Variants in EPHA6 observed in about 807,000 individuals in gnomAD.
The protein encoded by EPHA6 is ephrin type-A receptor 6.
EPHA6 carries 50 observed loss-of-function variants against 112.0 expected under a neutral mutation model. The observed-to-expected ratio is 0.45, with a 90% CI of 0.36 to 0.56. The LOEUF is 0.56. Among genes scored for constraint, EPHA6 ranks in the 20% least tolerant of loss-of-function variants. EPHA6 has a pLI of 0.00. For synonymous variants in EPHA6, 529 were observed against 490.7 expected (o/e 1.08, Z -1.03); for missense variants, 1,280 against 1,417.4 (o/e 0.90, Z 1.56).
chr3:96,849,311 C>A (rs934657078), intron 1 of EPHA6, among the ~76,000 whole-genome samples: 1 of 152,076 alleles, frequency 6.6e-6, no homozygotes. Flanking sequence ...TATTCATTAA[C>A]ACTGTGGGAG....
intron 10 of EPHA6, among the ~76,000 whole-genome samples, chr3:97,513,631 T>A (rs371123011): frequency 6.6e-6 from 1 of 151,862 alleles, no homozygotes; most frequent in South Asian, 2.1e-4. Flanking sequence ...AGTTGATCTC[T>A]TAGAAATAGA....
At position 96,965,347 on chromosome 3, in the gene EPHA6, A is replaced by G. The variant is rs562691831; in HGVS notation, c.451-21983A>G. Among the ~76,000 whole-genome samples, 836 of 152,230 alleles carry G rather than the reference A, an allele frequency of 5.5e-3. 6 individuals carry two copies. The highest frequency in any genetic ancestry group is 0.02 in the African/African-American group (814 of 41,548). On this transcript the variant is annotated intron_variant, in intron 2 of 17. Coordinates refer to ENST00000389672, the MANE Select transcript of EPHA6 (RefSeq NM_001080448.3). ...CCTACCTCCCTAACAATACTTGAAA[A>G]AAATTGGTTTTTCATTTTTACCTAT...
intron 1 of EPHA6, among the ~76,000 whole-genome samples, chr3:96,823,996 T>A (rs557316791): frequency 5.4e-4 from 82 of 151,984 alleles, no homozygotes; most frequent in African/African-American, 1.9e-3. Flanking sequence ...AAAAAGGTAC[T>A]TATAGTATGA....
Position 97,309,693 on chromosome 3 carries a change from T to C in EPHA6, c.1606+65406T>C, listed in dbSNP as rs879923389. Among the ~76,000 whole-genome samples the C allele has an allele frequency of 7.9e-5, 12 of 151,746 alleles. No individual in the cohort carries two copies. In the East Asian group the frequency reaches 2.3e-3, roughly 29 times the overall value. On this transcript the variant is annotated intron_variant, in intron 5 of 17. Coordinates refer to ENST00000389672, the MANE Select transcript of EPHA6 (RefSeq NM_001080448.3). ...CGAAGCTACTCCACTAATTAGAAGA[T>C]ACATTTTAGTATAATTTCTGTAATA...
chr3:97,063,259 A>G (rs1417417374), intron 3 of EPHA6, among the ~76,000 whole-genome samples: 2 of 152,224 alleles, frequency 1.3e-5, no homozygotes, highest in African/African-American at 4.8e-5. Flanking sequence ...GTGTATGTTC[A>G]TTGCAGCAAC....
chr3:97,013,472 G>A (rs921967684), intron 3 of EPHA6, among the ~76,000 whole-genome samples: 1 of 151,954 alleles, frequency 6.6e-6, no homozygotes, highest in Non-Finnish European at 1.5e-5. Context: ...AAGGTGTGAT[G>A]GAGGCCTAAT....
intron 3 of EPHA6, among the ~76,000 whole-genome samples, chr3:97,083,508 C>CA (rs751000101): frequency 3.3e-5 from 5 of 151,960 alleles, no homozygotes; most frequent in South Asian, 2.1e-4. Context: ...TATGGCAGAC[C>CA]AAGACTGATC....
intron 4 of EPHA6, among the ~76,000 whole-genome samples, chr3:97,241,986 A>T (rs1449704813): frequency 6.6e-6 from 1 of 151,668 alleles, no homozygotes; most frequent in Non-Finnish European, 1.5e-5. Context: ...GACTAAGTCT[A>T]GGTTGGAGGT....
chr3:97,176,784 C>T (rs1046745245), intron 3 of EPHA6, among the ~76,000 whole-genome samples: 3 of 151,286 alleles, frequency 2.0e-5, no homozygotes. Context: ...TCTTCTCTTT[C>T]TTTCTTAGTG....
chr3:97,251,396 T>G (rs1204041077), intron 5 of EPHA6, among the ~76,000 whole-genome samples: 2 of 151,848 alleles, frequency 1.3e-5, no homozygotes, highest in East Asian at 4.0e-4. Flanking sequence ...CGGGCGTGGT[T>G]GCAGGCACCT....
At chr3:97,429,108 A>G (rs572042950) in intron 6 of EPHA6, among the ~76,000 whole-genome samples, 3 of 152,076 alleles carry the variant, frequency 2.0e-5, no homozygotes, top group Middle Eastern at 6.8e-3. Context: ...TTTTTTTTCC[A>G]TAACAACACA....
intron 5 of EPHA6, among the ~76,000 whole-genome samples, chr3:97,331,764 AC>A (rs1469111873): frequency 2.0e-5 from 3 of 152,158 alleles, no homozygotes; most frequent in Non-Finnish European, 2.9e-5. Flanking sequence ...TAGCTTACCA[AC>A]CAAAAAAAGT....
chr3:97,247,840 ATACT>A (rs2079027626), intron 5 of EPHA6, among the ~76,000 whole-genome samples: 1 of 152,002 alleles, frequency 6.6e-6, no homozygotes. Context: ...TCATGAGGTC[ATACT>A]TACATGAGTA....
At position 97,225,314 on chromosome 3, in the gene EPHA6, C is replaced by A. The variant is rs779020950; in HGVS notation, c.1115-950C>A. On this transcript the variant is annotated intron_variant, in intron 3 of 17. Coordinates refer to ENST00000389672, the MANE Select transcript of EPHA6 (RefSeq NM_001080448.3). ...GAATATATTCAGTTATTTTAAACTGCATATTTTAGTAGAAAACAATTATTT... is the reference window on the plus strand; with the variant it reads ...GAATATATTCAGTTATTTTAAACTGAATATTTTAGTAGAAAACAATTATTT... Among the ~76,000 whole-genome samples, 5 of 152,276 alleles carry A rather than the reference C, an allele frequency of 3.3e-5. 1 individual carries two copies. The highest frequency in any genetic ancestry group is 3.4e-3 in the Middle Eastern group (1 of 294).
intron 11 of EPHA6, among the ~76,000 whole-genome samples, chr3:97,563,405 C>T (rs1396414269): frequency 6.6e-6 from 1 of 152,046 alleles, no homozygotes; most frequent in Non-Finnish European, 1.5e-5. Context: ...GCTACTGTGG[C>T]TGAAACAGCC....
chr3:97,259,484 A>G (rs866172322), intron 5 of EPHA6, among the ~76,000 whole-genome samples: 5 of 152,174 alleles, frequency 3.3e-5, no homozygotes, highest in South Asian at 2.1e-4. Flanking sequence ...ATACTTTCCA[A>G]ATAGAATTTT....
chr3:96,928,102 C>T (rs927257980), intron 2 of EPHA6, among the ~76,000 whole-genome samples: 6 of 152,180 alleles, frequency 3.9e-5, no homozygotes, highest in East Asian at 1.9e-4. Context: ...GATCACCTCT[C>T]GCCAGGTCCT....
chr3:97,502,832 CAAAA>C (rs397990595), intron 10 of EPHA6, among the ~76,000 whole-genome samples: 2 of 35,898 alleles, frequency 5.6e-5, no homozygotes, highest in South Asian at 2.3e-3. Flanking sequence ...GACTCTGTCT[CAAAA>C]AAAAAAAAAA....
intron 3 of EPHA6, among the ~76,000 whole-genome samples, chr3:97,059,827 A>G (rs1199840090): frequency 6.6e-6 from 1 of 151,896 alleles, no homozygotes; most frequent in Non-Finnish European, 1.5e-5. Flanking sequence ...TAGTAAAATA[A>G]GAGCTAATGG....
Sources: gnomAD v4.1 joint callset for allele counts (sites outside exome capture counted in the v4.1 genomes callset) on GRCh38, gnomAD v4.1.1 for gene constraint, MANE v1.5 for transcripts, NCBI Gene and HGNC (gene_info 2026-07-23, HGNC 2026-07-21) for gene names.